Variants in BAIAP2L1 observed in about 807,000 individuals in gnomAD.
BAIAP2L1 encodes the protein BAR/IMD domain containing adaptor protein 2 like 1.
A neutral mutation model predicts 66.3 loss-of-function variants in BAIAP2L1; 35 were observed. The observed-to-expected ratio is 0.53, with a 90% confidence interval of 0.40 to 0.70. The LOEUF is 0.70. Ranked by LOEUF, BAIAP2L1 falls within the 30% of genes least tolerant of loss-of-function variation. The pLI, the probability that BAIAP2L1 is intolerant of heterozygous loss-of-function variation, is 0.00. For synonymous variants in BAIAP2L1, 269 were observed against 248.7 expected, an observed-to-expected ratio of 1.08 and a Z score of -0.77; for missense variants, 622 against 656.9, an observed-to-expected ratio of 0.95 and a Z score of 0.58.
intron 1 of BAIAP2L1, among the ~76,000 whole-genome samples, chr7:98,377,826 A>T (rs1802669106): frequency 6.9e-6 from 1 of 145,728 alleles, no homozygotes; most frequent in Non-Finnish European, 1.5e-5. Flanking sequence ...TCTCAAAAAA[A>T]AAAAAAAAAA....
intron 2 of BAIAP2L1, among the ~76,000 whole-genome samples, chr7:98,359,599 T>C (rs1026342282): frequency 6.6e-6 from 1 of 151,968 alleles, no homozygotes; most frequent in African/African-American, 2.4e-5. Flanking sequence ...CGTGCAGTAG[T>C]GTCTGCCTGC....
chr7:98,375,759 A>G (rs1222836656), intron 1 of BAIAP2L1, among the ~76,000 whole-genome samples: 2 of 150,574 alleles, frequency 1.3e-5, no homozygotes, highest in Admixed American at 6.6e-5. Flanking sequence ...AAAAAAAAAA[A>G]AAAGAAAAGA....
intron 3 of BAIAP2L1, among the ~76,000 whole-genome samples, chr7:98,347,291 T>A (rs1487012033): frequency 6.6e-6 from 1 of 152,218 alleles, no homozygotes; most frequent in Non-Finnish European, 1.5e-5. Flanking sequence ...TACTATTTTT[T>A]AATTTCCCTA....
chr7:98,371,367 C>T (rs1438975203), intron 1 of BAIAP2L1, among the ~76,000 whole-genome samples: 1 of 152,192 alleles, frequency 6.6e-6, no homozygotes, highest in Non-Finnish European at 1.5e-5. Context: ...GGTAATATCA[C>T]TCTTCTACTT....
chr7:98,377,121 A>G (rs1239762765), intron 1 of BAIAP2L1, among the ~76,000 whole-genome samples: 1 of 152,176 alleles, frequency 6.6e-6, no homozygotes, highest in Non-Finnish European at 1.5e-5. Flanking sequence ...ACAATCATGG[A>G]AGCCAATTTC....
chr7:98,372,848 C>T lies in BAIAP2L1; in HGVS notation c.52-10416G>A, dbSNP rs139374569. Among the ~76,000 whole-genome samples, 867 of 149,116 alleles carry T rather than the reference C, an allele frequency of 5.8e-3. 13 individuals are homozygous for T. The highest frequency in any genetic ancestry group is 0.02 in the African/African-American group (807 of 40,528). On this transcript the variant is annotated intron_variant, in intron 1 of 13. Coordinates refer to ENST00000005260, the MANE Select transcript of BAIAP2L1 (RefSeq NM_018842.5). Reference sequence around the variant, plus strand: ...GCAACCTCTGCCTCCTGAGTTCAAGCGGTTTTCGTGCCTAAGGAGTAGGTG... The same window carrying T: ...GCAACCTCTGCCTCCTGAGTTCAAGTGGTTTTCGTGCCTAAGGAGTAGGTG...
At chr7:98,399,416 C>T (rs768542038) in intron 1 of BAIAP2L1, among the ~76,000 whole-genome samples, 3 of 152,100 alleles carry the variant, frequency 2.0e-5, no homozygotes, top group Non-Finnish European at 4.4e-5. Context: ...TAATAGACTC[C>T]TCTGATTTTA....
At chr7:98,372,733 GTTTTTTTTTTT>G (rs34330041) in intron 1 of BAIAP2L1, among the ~76,000 whole-genome samples, 4 of 93,766 alleles carry the variant, frequency 4.3e-5, no homozygotes, top group Non-Finnish European at 8.0e-5. Context: ...ATCGATTTTG[GTTTTTTTTTTT>G]TTTTTTTTTT....
chr7:98,371,864 G>C (rs564503946), intron 1 of BAIAP2L1, among the ~76,000 whole-genome samples: 10 of 151,030 alleles, frequency 6.6e-5, no homozygotes, highest in African/African-American at 2.2e-4. Flanking sequence ...GCGCAATCTC[G>C]GCTCACTGCA....
intron 3 of BAIAP2L1, among the ~76,000 whole-genome samples, chr7:98,335,231 T>C (rs1313109377): frequency 1.4e-5 from 2 of 147,126 alleles, no homozygotes; most frequent in Non-Finnish European, 3.0e-5. Context: ...TCAATGGAAA[T>C]ATCCCATCCC....
intron 3 of BAIAP2L1, among the ~76,000 whole-genome samples, chr7:98,323,586 C>T (rs1361073618): frequency 2.6e-5 from 4 of 152,184 alleles, no homozygotes; most frequent in African/African-American, 4.8e-5. Context: ...CTAGGGTGGA[C>T]GCCAACACCG....
At chr7:98,364,063 C>A (rs1422832100) in intron 1 of BAIAP2L1, among the ~76,000 whole-genome samples, 1 of 151,532 alleles carries the variant, frequency 6.6e-6, no homozygotes, top group Admixed American at 6.6e-5. Context: ...TGGGGAGTAA[C>A]TGCAGCTTCC....
At chr7:98,386,479 G>A (rs1802893316) in intron 1 of BAIAP2L1, 2 of 1,597,238 alleles carry the variant, frequency 1.3e-6, no homozygotes, top group Non-Finnish European at 1.7e-6. Context: ...AACATAGCAG[G>A]TGCTTTCACA....
intron 1 of BAIAP2L1, among the ~76,000 whole-genome samples, chr7:98,393,156 TACAC>T (rs1803105987): frequency 8.0e-6 from 1 of 125,662 alleles, no homozygotes; most frequent in African/African-American, 2.9e-5. Context: ...CATATATATG[TACAC>T]ATATATGTAT....
At chr7:98,319,666 C>T (rs1801188232) in intron 5 of BAIAP2L1, among the ~76,000 whole-genome samples, 1 of 151,522 alleles carries the variant, frequency 6.6e-6, no homozygotes, top group Admixed American at 6.6e-5. Flanking sequence ...CCTGCCTCAT[C>T]CTCCCGAGTA....
chr7:98,372,733 G>GTTTTTTTTTTTT (rs34330041), intron 1 of BAIAP2L1, among the ~76,000 whole-genome samples: 1 of 93,764 alleles, frequency 1.1e-5, no homozygotes, highest in African/African-American at 4.3e-5. Context: ...ATCGATTTTG[G>GTTTTTTTTTTTT]TTTTTTTTTT....
intron 11 of BAIAP2L1, 113 bp from the exon 12 acceptor site, chr7:98,304,489 CCTGAT>C: frequency 9.7e-7 from 1 of 1,033,452 alleles, no homozygotes; most frequent in Non-Finnish European, 1.4e-6. Context: ...CCAATCAAAA[CCTGAT>C]CTTGATCTCA....
At chr7:98,364,077 G>A (rs1459415079) in intron 1 of BAIAP2L1, among the ~76,000 whole-genome samples, 2 of 151,400 alleles carry the variant, frequency 1.3e-5, no homozygotes, top group South Asian at 2.1e-4. Context: ...AGCTTCCTAC[G>A]ACAGCAGATG....
intron 1 of BAIAP2L1, among the ~76,000 whole-genome samples, chr7:98,373,337 A>T (rs1323765954): frequency 6.6e-6 from 1 of 152,194 alleles, no homozygotes; most frequent in Non-Finnish European, 1.5e-5. Flanking sequence ...AAATATATAA[A>T]CCCACAAAAA....
Sources: gnomAD v4.1 joint callset for allele counts (sites outside exome capture counted in the v4.1 genomes callset) on GRCh38, gnomAD v4.1.1 for gene constraint, MANE v1.5 for transcripts, NCBI Gene and HGNC (gene_info 2026-07-23, HGNC 2026-07-21) for gene names.